The following IGF1R variants were observed in gnomAD, a reference collection of about 807,000 sequenced individuals.
IGF1R encodes insulin like growth factor 1 receptor.
A neutral mutation model predicts 144.6 loss-of-function variants in IGF1R; 44 were observed. The ratio of observed to expected loss-of-function variants is 0.30; its 90% CI spans 0.24 to 0.39. The LOEUF is 0.39. Among genes scored for constraint, IGF1R ranks in the 10% least tolerant of loss-of-function variants. The pLI is 1.00. For synonymous variants in IGF1R, 795 were observed against 722.8 expected (o/e 1.10, Z -1.60); for missense variants, 1,355 against 1,833.7 (o/e 0.74, Z 4.77).
At chr15:98,695,889 C>G (rs2053583947) in intron 1 of IGF1R, among the ~76,000 whole-genome samples, 1 of 152,152 alleles carries the variant, frequency 6.6e-6, no homozygotes, top group Non-Finnish European at 1.5e-5. Context: ...CTTCTGGTCC[C>G]TGCTCTCACT....
At chr15:98,695,408 T>C (rs1209288907) in intron 1 of IGF1R, among the ~76,000 whole-genome samples, 1 of 152,192 alleles carries the variant, frequency 6.6e-6, no homozygotes, top group Admixed American at 6.5e-5. Context: ...ACCTCTTCAA[T>C]CATATGCACC....
chr15:98,912,422 C>T (rs1238476605), intron 7 of IGF1R, among the ~76,000 whole-genome samples: 4 of 152,166 alleles, frequency 2.6e-5, no homozygotes, highest in African/African-American at 7.2e-5. Flanking sequence ...AGCTGTCCAG[C>T]CCTTTTAGCT....
At chr15:98,820,669 C>T (rs2056784765) in intron 2 of IGF1R, among the ~76,000 whole-genome samples, 2 of 152,176 alleles carry the variant, frequency 1.3e-5, no homozygotes, top group Non-Finnish European at 2.9e-5. Context: ...ATTTTTTACG[C>T]TTGCAGATCT....
intron 2 of IGF1R, among the ~76,000 whole-genome samples, chr15:98,709,247 A>G (rs1211555318): frequency 3.3e-5 from 5 of 152,258 alleles, no homozygotes; most frequent in African/African-American, 1.2e-4. Flanking sequence ...TGAAGTGTGT[A>G]AAGTAAATAA....
At chr15:98,789,015 G>A (rs778080425) in intron 2 of IGF1R, among the ~76,000 whole-genome samples, 11 of 152,140 alleles carry the variant, frequency 7.2e-5, no homozygotes, top group East Asian at 5.8e-4. Context: ...AGTGGCTTGC[G>A]TGTGTGTATT....
chr15:98,742,886 A>G (rs1388129212), intron 2 of IGF1R, among the ~76,000 whole-genome samples: 3 of 151,932 alleles, frequency 2.0e-5, no homozygotes, highest in Admixed American at 6.6e-5. Context: ...AAAATACAAG[A>G]ATTAGCCAGG....
chr15:98,739,280 C>T (rs1385277430), intron 2 of IGF1R, among the ~76,000 whole-genome samples: 1 of 152,206 alleles, frequency 6.6e-6, no homozygotes, highest in Admixed American at 6.5e-5. Flanking sequence ...TCTGCATGCT[C>T]TGTTGACGGT....
At chr15:98,777,528 G>A (rs2055749295) in intron 2 of IGF1R, among the ~76,000 whole-genome samples, 1 of 152,228 alleles carries the variant, frequency 6.6e-6, no homozygotes, top group Admixed American at 6.5e-5. Flanking sequence ...AGCAAGGAAT[G>A]ATGACCGAAG....
At chr15:98,748,292 G>A (rs922659663) in intron 2 of IGF1R, among the ~76,000 whole-genome samples, 3 of 152,036 alleles carry the variant, frequency 2.0e-5, no homozygotes, top group Non-Finnish European at 2.9e-5. Context: ...TCAGCCTCCT[G>A]AGTAGCTGGA....
intron 2 of IGF1R, among the ~76,000 whole-genome samples, chr15:98,766,767 C>A (rs45551536): frequency 6.6e-5 from 10 of 152,188 alleles, no homozygotes; most frequent in African/African-American, 7.2e-5. Flanking sequence ...AGAAACAGCA[C>A]CACCTTCAAC....
chr15:98,686,253 T>C (rs550790852), intron 1 of IGF1R, among the ~76,000 whole-genome samples: 1 of 152,390 alleles, frequency 6.6e-6, no homozygotes, highest in African/African-American at 2.4e-5. Flanking sequence ...TAATAATATA[T>C]GTATGTGTGA....
chr15:98,650,763 G>A (rs1418814855), intron 1 of IGF1R: 2 of 367,756 alleles, frequency 5.4e-6, no homozygotes, highest in African/African-American at 4.4e-5. Context: ...GTTGTGGTCG[G>A]CGTCGTGTCG....
intron 1 of IGF1R, among the ~76,000 whole-genome samples, chr15:98,661,077 CAGAG>C (rs2052587594): frequency 7.4e-6 from 1 of 136,048 alleles, no homozygotes; most frequent in Non-Finnish European, 1.7e-5. Flanking sequence ...AGATACTAGG[CAGAG>C]AGAGAGATGG....
intron 2 of IGF1R, among the ~76,000 whole-genome samples, chr15:98,790,338 C>T (rs924844292): frequency 1.3e-5 from 2 of 152,144 alleles, no homozygotes; most frequent in Admixed American, 1.3e-4. Flanking sequence ...ATAGTTTTGT[C>T]CTCCCTCTTC....
chr15:98,926,698 G>A (rs1485842561), intron 13 of IGF1R, among the ~76,000 whole-genome samples: 2 of 152,234 alleles, frequency 1.3e-5, no homozygotes, highest in Non-Finnish European at 2.9e-5. Context: ...GCAGGATGGG[G>A]TGAATAGAAC....
intron 1 of IGF1R, among the ~76,000 whole-genome samples, chr15:98,703,396 T>G (rs1367027511): frequency 6.6e-6 from 1 of 152,224 alleles, no homozygotes. Flanking sequence ...CTTTCCTGTT[T>G]GTGGCTTGCG....
At position 98,916,387 on chromosome 15, in the gene IGF1R, G is replaced by A. The variant is rs369607691; in HGVS notation, c.1996+256G>A. 400 of 550,336 alleles carry A rather than the reference G, an allele frequency of 7.3e-4. 2 individuals carry two copies. Among genetic ancestry groups the A allele is most frequent in the South Asian group, 3.8e-3 (187 of 49,146 alleles). The allele number at this position is 550,336 out of a possible 1,614,324, so 34.1% of individuals were successfully genotyped here. ...AGCATTTCTCATTCCCCAGCATTCCGAGTAGCTGGGATTACAGGCATGCAC... is the reference window on the plus strand; with the variant it reads ...AGCATTTCTCATTCCCCAGCATTCCAAGTAGCTGGGATTACAGGCATGCAC... On this transcript the variant is annotated intron_variant, in intron 9 of 20. Coordinates refer to ENST00000650285, the MANE Select transcript of IGF1R (RefSeq NM_000875.5).
In IGF1R at chr15:98,939,003, T is replaced by C. The variant is rs180893588; in HGVS notation, c.3298-198T>C. Among the ~76,000 whole-genome samples the C allele has an allele frequency of 6.6e-5, 10 of 152,316 alleles. No homozygotes were observed. The East Asian group carries it at 1.7e-3, about 26-fold the overall frequency. On this transcript the variant is annotated intron_variant, in intron 17 of 20. Transcript: ENST00000650285. ...AGCTCTGATGTGGTCAGGGAGCAAGTGCAAATAAGCTTGCGGGGAGCAAGC... is the reference window on the plus strand; with the variant it reads ...AGCTCTGATGTGGTCAGGGAGCAAGCGCAAATAAGCTTGCGGGGAGCAAGC...
chr15:98,883,143 G>A (rs561504038), intron 2 of IGF1R, among the ~76,000 whole-genome samples: 10 of 152,180 alleles, frequency 6.6e-5, no homozygotes, highest in Non-Finnish European at 8.8e-5. Context: ...AAATGTTGCC[G>A]ATGTGATTTT....
Sources: gnomAD v4.1 joint callset for allele counts (sites outside exome capture counted in the v4.1 genomes callset) on GRCh38, gnomAD v4.1.1 for gene constraint, MANE v1.5 for transcripts, NCBI Gene and HGNC (gene_info 2026-07-23, HGNC 2026-07-21) for gene names.